FOXJ3: variants seen among roughly 807,000 people sequenced by gnomAD.
The protein encoded by FOXJ3 is forkhead box J3.
FOXJ3 carries 22 observed loss-of-function variants against 76.1 expected under a neutral mutation model. That is an observed-to-expected ratio of 0.29 (90% CI 0.21 to 0.41). FOXJ3 has a LOEUF of 0.41. FOXJ3 is among the 10% of genes least tolerant of loss of function. FOXJ3 has a pLI of 1.00. For missense variants in FOXJ3, 613 were observed against 762.1 expected (o/e 0.80, Z 2.30); for synonymous variants, 269 against 261.2 (o/e 1.03, Z -0.29).
At chr1:42,256,302 T>TA (rs749736038) in intron 4 of FOXJ3, among the ~76,000 whole-genome samples, 52 of 152,172 alleles carry the variant, frequency 3.4e-4, no homozygotes, top group Non-Finnish European at 5.9e-4. Flanking sequence ...AACCATAGTC[T>TA]AAAAAAACAT....
intron 1 of FOXJ3, among the ~76,000 whole-genome samples, chr1:42,312,575 A>C (rs1269064710): frequency 6.6e-6 from 1 of 152,274 alleles, no homozygotes; most frequent in Non-Finnish European, 1.5e-5. Flanking sequence ...AATGCTGAGT[A>C]AAGTATCTTA....
At chr1:42,322,026 C>T (rs1313070319) in intron 1 of FOXJ3, among the ~76,000 whole-genome samples, 1 of 151,642 alleles carries the variant, frequency 6.6e-6, no homozygotes, top group Non-Finnish European at 1.5e-5. Context: ...ATGTTCTACA[C>T]ATAATACTTC....
At chr1:42,209,183 G>C (rs1446622417) in intron 5 of FOXJ3, among the ~76,000 whole-genome samples, 2 of 152,190 alleles carry the variant, frequency 1.3e-5, no homozygotes, top group Non-Finnish European at 2.9e-5. Context: ...ATTCAGTAAA[G>C]TTGTAAACAA....
intron 1 of FOXJ3, among the ~76,000 whole-genome samples, chr1:42,326,511 G>A (rs1655839012): frequency 6.6e-6 from 1 of 152,174 alleles, no homozygotes; most frequent in Middle Eastern, 3.4e-3. Context: ...ATCTCCCACT[G>A]TGGCAGTAAC....
intron 3 of FOXJ3, among the ~76,000 whole-genome samples, chr1:42,277,007 A>C (rs1166333948): frequency 1.3e-5 from 2 of 152,206 alleles, no homozygotes; most frequent in Non-Finnish European, 2.9e-5. Context: ...CACCATGCTC[A>C]GTCAATTTCT....
intron 8 of FOXJ3, among the ~76,000 whole-genome samples, chr1:42,192,040 T>C (rs946253257): frequency 1.3e-5 from 2 of 152,198 alleles, no homozygotes; most frequent in African/African-American, 4.8e-5. Flanking sequence ...AAGCCTTTCT[T>C]TTAAAGACAG....
intron 5 of FOXJ3, among the ~76,000 whole-genome samples, chr1:42,212,953 C>T (rs12729695): frequency 1.5e-5 from 1 of 67,162 alleles, no homozygotes; most frequent in African/African-American, 5.1e-5. Flanking sequence ...AATTTTGTAT[C>T]TAGCAAAAAA....
chr1:42,204,005 A>AG (rs1214316363), intron 6 of FOXJ3, among the ~76,000 whole-genome samples: 1 of 151,426 alleles, frequency 6.6e-6, no homozygotes, highest in African/African-American at 2.4e-5. Context: ...CAAAAAAAAA[A>AG]AAAAAAAGTT....
At chr1:42,209,482 GA>G (rs1456956996) in intron 5 of FOXJ3, among the ~76,000 whole-genome samples, 1 of 152,198 alleles carries the variant, frequency 6.6e-6, no homozygotes, top group Non-Finnish European at 1.5e-5. Context: ...CCTACACCAT[GA>G]AACAGGTAGA....
chr1:42,326,341 T>C (rs1163397767), intron 1 of FOXJ3, among the ~76,000 whole-genome samples: 2 of 152,212 alleles, frequency 1.3e-5, no homozygotes, highest in Non-Finnish European at 2.9e-5. Context: ...ACAAAAATGA[T>C]ATATGGTCAC....
In FOXJ3 at chr1:42,324,104, G is replaced by GTGTATATATAGTGTATATATACACAA; in HGVS notation, c.-18+10954_-18+10955insTTGTGTATATATACACTATATATACA. On this transcript the variant is annotated intron_variant, in intron 1 of 12. Coordinates refer to ENST00000361346, the MANE Select transcript of FOXJ3 (RefSeq NM_014947.5). ...AGTATATATACTGTATATATACTGT[G>GTGTATATATAGTGTATATATACACAA]TATATACACTGTATATACACAGTGT... Among the ~76,000 whole-genome samples the GTGTATATATAGTGTATATATACACAA allele has an allele frequency of 2.2e-5, 2 of 88,956 alleles. 1 individual carries two copies. Among genetic ancestry groups the GTGTATATATAGTGTATATATACACAA allele is most frequent in the East Asian group, 6.3e-4 (2 of 3,160 alleles). 58.4% of individuals were successfully genotyped at this position (88,956 alleles called of 152,430 possible). A position where few individuals can be genotyped will look rare whatever the true frequency, so the allele number is the denominator to read the frequency against.
At chr1:42,314,379 T>C (rs562203862) in intron 1 of FOXJ3, among the ~76,000 whole-genome samples, 8 of 152,264 alleles carry the variant, frequency 5.3e-5, no homozygotes, top group African/African-American at 1.4e-4. Flanking sequence ...GCCTCTCAAG[T>C]AGATAGGATT....
chr1:42,258,603 T>C lies in FOXJ3; in HGVS notation c.444+6512A>G, dbSNP rs182699959. On this transcript the variant is annotated intron_variant, in intron 4 of 12. Transcript: ENST00000361346. ...CCCTTTTTGAACAAATACAAGTTTT[T>C]ATTACTTTTAAATACATTGATCATC... Among the ~76,000 whole-genome samples, 630 of 152,330 alleles carry C rather than the reference T, an allele frequency of 4.1e-3. 2 individuals carry two copies. Among genetic ancestry groups the C allele is most frequent in the Non-Finnish European group, 7.2e-3 (490 of 68,032 alleles).
At chr1:42,221,591 G>A (rs1569921315) in intron 5 of FOXJ3, among the ~76,000 whole-genome samples, 1 of 151,966 alleles carries the variant, frequency 6.6e-6, no homozygotes, top group East Asian at 1.9e-4. Context: ...CAGTAGCTGG[G>A]ACTAGAGGCA....
intron 3 of FOXJ3, among the ~76,000 whole-genome samples, chr1:42,277,269 C>T (rs2124669493): frequency 6.6e-6 from 1 of 152,150 alleles, no homozygotes; most frequent in Non-Finnish European, 1.5e-5. Context: ...CAGAGCAAGG[C>T]CCCATCTCTA....
intron 1 of FOXJ3, among the ~76,000 whole-genome samples, chr1:42,331,256 C>G (rs1307271655): frequency 6.6e-6 from 1 of 152,078 alleles, no homozygotes; most frequent in Non-Finnish European, 1.5e-5. Context: ...GTGGTGCACG[C>G]CTGTAATCCC....
intron 4 of FOXJ3, among the ~76,000 whole-genome samples, chr1:42,259,811 T>C (rs2124609499): frequency 6.6e-6 from 1 of 152,328 alleles, no homozygotes; most frequent in South Asian, 2.1e-4. Context: ...AGCTTTGCTC[T>C]GACTCGTCCC....
At chr1:42,218,131 C>G (rs908567618) in intron 5 of FOXJ3, among the ~76,000 whole-genome samples, 1 of 152,180 alleles carries the variant, frequency 6.6e-6, no homozygotes, top group African/African-American at 2.4e-5. Context: ...TTCCTGTGCT[C>G]ACTTACACCC....
intron 2 of FOXJ3, among the ~76,000 whole-genome samples, chr1:42,281,736 G>T (rs896032665): frequency 4.6e-5 from 7 of 152,162 alleles, no homozygotes; most frequent in Non-Finnish European, 8.8e-5. Flanking sequence ...TGACCATTAG[G>T]TTTGGCCAGA....
Sources: gnomAD v4.1 joint callset for allele counts (sites outside exome capture counted in the v4.1 genomes callset) on GRCh38, gnomAD v4.1.1 for gene constraint, MANE v1.5 for transcripts, NCBI Gene and HGNC (gene_info 2026-07-23, HGNC 2026-07-21) for gene names.